The following SGK1 variants were observed in gnomAD, a reference collection of about 807,000 sequenced individuals.
SGK1 encodes serine/threonine-protein kinase Sgk1.
A neutral mutation model predicts 64.2 loss-of-function variants in SGK1; 26 were observed. That is an observed-to-expected ratio of 0.40 (90% CI 0.30 to 0.56). The LOEUF (loss-of-function observed/expected upper bound fraction) is 0.56. Among genes scored for constraint, SGK1 ranks in the 20% least tolerant of loss-of-function variants. The probability of loss-of-function intolerance (pLI) is 0.38; values close to 1 mark genes in which losing one functional copy is unlikely to be tolerated. For synonymous variants in SGK1, 265 were observed against 239.7 expected, an observed-to-expected ratio of 1.11 and a Z score of -0.98; for missense variants, 519 against 645.6, an observed-to-expected ratio of 0.80 and a Z score of 2.12.
At chr6:134,244,462 T>C (rs1328142331) in intron 2 of SGK1, among the ~76,000 whole-genome samples, 1 of 152,176 alleles carries the variant, frequency 6.6e-6, no homozygotes, top group Non-Finnish European at 1.5e-5. Context: ...GTAGAATGAT[T>C]TATAATCCTT....
chr6:134,224,569 T>C (rs577326757), intron 2 of SGK1, among the ~76,000 whole-genome samples: 24 of 152,330 alleles, frequency 1.6e-4, no homozygotes, highest in South Asian at 1.4e-3. Context: ...CAGGGCATCA[T>C]ATGCAGCTTT....
In SGK1 at chr6:134,290,428, C is replaced by CA. The variant is rs368273292; in HGVS notation, c.69+26963dup. 4.5e-3 allele frequency among the ~76,000 whole-genome samples: 593 copies of CA among 130,814 alleles called. 3 individuals are homozygous for CA. The highest frequency in any genetic ancestry group is 0.011 in the African/African-American group (387 of 35,628). The allele number at this position is 130,814 out of a possible 152,430, so 85.8% of individuals were successfully genotyped here. A position where few individuals can be genotyped will look rare whatever the true frequency, so the allele number is the denominator to read the frequency against. On this transcript the variant is annotated intron_variant, in intron 1 of 13. Transcript: ENST00000367858. ...TTTCAATAAATCTGTGATTTTCTGT[C>CA]AAAAAAAAAAAACAAAGACAAATGA...
intron 2 of SGK1, among the ~76,000 whole-genome samples, chr6:134,248,221 C>T (rs1763521): frequency 0.8 from 121,681 of 151,924 alleles, 48,889 homozygotes; most frequent in East Asian, 1. Flanking sequence ...GGAAGGTCAG[C>T]TAGATTAACT....
At chr6:134,254,427 C>CA (rs1776650818) in intron 2 of SGK1, among the ~76,000 whole-genome samples, 2 of 152,004 alleles carry the variant, frequency 1.3e-5, no homozygotes, top group South Asian at 4.1e-4. Context: ...TCTCATGGTG[C>CA]AAAATCATAT....
At chr6:134,206,605 A>G (rs1775789732) in intron 3 of SGK1, among the ~76,000 whole-genome samples, 1 of 151,310 alleles carries the variant, frequency 6.6e-6, no homozygotes. Flanking sequence ...GGTGGCTCAC[A>G]CCTGTAATCC....
intron 3 of SGK1, among the ~76,000 whole-genome samples, chr6:134,202,945 TAA>T (rs1478917250): frequency 1.3e-5 from 2 of 152,172 alleles, no homozygotes; most frequent in Admixed American, 6.5e-5. Flanking sequence ...TATGAAAATT[TAA>T]AGTCATTTAT....
intron 2 of SGK1, among the ~76,000 whole-genome samples, chr6:134,225,067 A>G (rs1763496): frequency 0.82 from 120,963 of 147,480 alleles, 50,139 homozygotes; most frequent in East Asian, 0.98. Context: ...ATGTAATTGT[A>G]GGCCGATGCG....
At chr6:134,172,403 G>A in intron 9 of SGK1, 87 bp from the exon 10 acceptor site, 1 of 1,364,854 alleles carries the variant, frequency 7.3e-7, no homozygotes, top group Non-Finnish European at 1.0e-6. Flanking sequence ...AAAGGTATTA[G>A]AGGCATTTTA....
chr6:134,226,334 G>GC (rs536587326), intron 2 of SGK1, among the ~76,000 whole-genome samples: 14 of 150,228 alleles, frequency 9.3e-5, no homozygotes, highest in South Asian at 8.4e-4. Flanking sequence ...GCTGAATCCT[G>GC]CCCCCCCTCA....
chr6:134,171,014 A>G lies in SGK1; in HGVS notation c.1323+9T>C. 1 of 1,613,914 alleles carries G rather than the reference A, an allele frequency of 6.2e-7. No homozygotes were observed. Among genetic ancestry groups the G allele is most frequent in the South Asian group, 1.1e-5 (1 of 90,980 alleles). ...GGCCGGCCCAGGAGGACAGGAAAACATCACTCACGAAGTCATCCTTGGCCC... is the reference window on the plus strand; with the variant it reads ...GGCCGGCCCAGGAGGACAGGAAAACGTCACTCACGAAGTCATCCTTGGCCC... On this transcript the variant is annotated intron_variant, in intron 12 of 13. Coordinates refer to ENST00000367858, the MANE Select transcript of SGK1 (RefSeq NM_001143676.3).
Position 134,317,465 on chromosome 6 carries a change from C to G in SGK1, c.-5G>C. ...ATTCATGTCTTTGTTTACCATTTTC[C>G]ACCGTGGGGAATTCACAGTTATAGA... On this transcript the variant is annotated 5_prime_UTR_variant, in exon 1 of 14. Transcript: ENST00000367858. 1 of 1,599,802 alleles carries G rather than the reference C, an allele frequency of 6.3e-7. No homozygotes were observed. Among genetic ancestry groups the G allele is most frequent in the Non-Finnish European group, 8.6e-7 (1 of 1,166,948 alleles).
intron 3 of SGK1, chr6:134,174,802 C>T: frequency 6.2e-7 from 1 of 1,614,120 alleles, no homozygotes; most frequent in East Asian, 2.2e-5. Context: ...CAGTTTTCAC[C>T]GTCATCACCA....
chr6:134,271,499 C>T (rs1776940003), intron 1 of SGK1, among the ~76,000 whole-genome samples: 1 of 147,576 alleles, frequency 6.8e-6, no homozygotes, highest in South Asian at 2.2e-4. Context: ...AATAGAAATG[C>T]TGGTGTAATC....
intron 1 of SGK1, among the ~76,000 whole-genome samples, chr6:134,286,263 T>C (rs1777182020): frequency 1.3e-5 from 2 of 152,300 alleles, no homozygotes; most frequent in Non-Finnish European, 2.9e-5. Flanking sequence ...CTCATGCCTG[T>C]AATCCCAACA....
At chr6:134,306,502 T>C (rs367945270) in intron 1 of SGK1, among the ~76,000 whole-genome samples, 1 of 150,994 alleles carries the variant, frequency 6.6e-6, no homozygotes, top group Non-Finnish European at 1.5e-5. Context: ...GGGAAGGGAG[T>C]TGGGGAGTGA....
chr6:134,172,602 C>G (rs2114633610), intron 9 of SGK1, 60 bp downstream of exon 9: 1 of 1,097,192 alleles, frequency 9.1e-7, no homozygotes, highest in Non-Finnish European at 1.4e-6. Context: ...CCCTATGAAA[C>G]AGCCAGTGCT....
chr6:134,298,611 G>A, intron 1 of SGK1: 1 of 1,126,286 alleles, frequency 8.9e-7, no homozygotes, highest in South Asian at 1.3e-5. Flanking sequence ...GCAGGTACTG[G>A]GCCCACTCGT....
chr6:134,182,332 G>C (rs1297413616), intron 3 of SGK1, among the ~76,000 whole-genome samples: 2 of 151,898 alleles, frequency 1.3e-5, no homozygotes, highest in Non-Finnish European at 2.9e-5. Flanking sequence ...TGGGTCACTT[G>C]AGGTCAGGAG....
chr6:134,171,536 G>C, intron 11 of SGK1, 101 bp downstream of exon 11: 1 of 765,480 alleles, frequency 1.3e-6, no homozygotes, highest in Non-Finnish European at 2.2e-6. Flanking sequence ...CTTTTGATAA[G>C]CGTACTGGTA....
Sources: gnomAD v4.1 joint callset for allele counts (sites outside exome capture counted in the v4.1 genomes callset) on GRCh38, gnomAD v4.1.1 for gene constraint, MANE v1.5 for transcripts, NCBI Gene and HGNC (gene_info 2026-07-23, HGNC 2026-07-21) for gene names.